The following NRG1 variants were observed in gnomAD, a reference collection of about 807,000 sequenced individuals.
NRG1 encodes the protein pro-neuregulin-1, membrane-bound isoform.
In NRG1, 18 loss-of-function variants were observed where a neutral mutation model predicts 63.8. The observed-to-expected ratio is 0.28, with a 90% CI of 0.19 to 0.42. The LOEUF (loss-of-function observed/expected upper bound fraction) is 0.42. NRG1 is among the 10% of genes least tolerant of loss of function. The probability of loss-of-function intolerance (pLI) is 1.00; values close to 1 mark genes in which losing one functional copy is unlikely to be tolerated. For missense variants in NRG1, 762 were observed against 814.7 expected (o/e 0.94, Z 0.79); for synonymous variants, 302 against 301.3 (o/e 1.00, Z -0.02).
chr8:31,771,228 T>C (rs1256190599), intron 1 of NRG1, among the ~76,000 whole-genome samples: 1 of 152,224 alleles, frequency 6.6e-6, no homozygotes, highest in African/African-American at 2.4e-5. Context: ...GAATGTTATA[T>C]GAATAGAATA....
intron 1 of NRG1, among the ~76,000 whole-genome samples, chr8:32,101,966 G>A (rs1830635460): frequency 1.3e-5 from 2 of 152,146 alleles, no homozygotes; most frequent in South Asian, 4.1e-4. Flanking sequence ...TATGATGTTT[G>A]TAGGGCTTTT....
At chr8:31,997,991 A>C (rs75165582) in intron 1 of NRG1, among the ~76,000 whole-genome samples, 1,723 of 152,124 alleles carry the variant, frequency 0.011, 36 homozygotes, top group African/African-American at 0.039. Flanking sequence ...CTTAATCACC[A>C]TCCTCTATTG....
intron 1 of NRG1, among the ~76,000 whole-genome samples, chr8:32,166,998 G>A (rs1208109809): frequency 5.3e-5 from 8 of 152,150 alleles, no homozygotes; most frequent in African/African-American, 1.9e-4. Context: ...TTCTAGTTAG[G>A]TCCATGTGCA....
intron 1 of NRG1, among the ~76,000 whole-genome samples, chr8:32,300,604 C>T (rs1409993235): frequency 6.6e-6 from 1 of 152,156 alleles, no homozygotes; most frequent in African/African-American, 2.4e-5. Flanking sequence ...TTGGTGGCTG[C>T]AGTTGATTAT....
At chr8:32,646,859 G>C (rs1563843035) in intron 5 of NRG1, 38 of 984,838 alleles carry the variant, frequency 3.9e-5, no homozygotes, top group Non-Finnish European at 4.6e-5. Flanking sequence ...CCAGCCTGCA[G>C]CTCTAGAGTG....
At chr8:32,772,673 C>T (rs1831890802), downstream of NRG1, among the ~76,000 whole-genome samples, 1 of 152,136 alleles carries the variant, frequency 6.6e-6, no homozygotes, top group Admixed American at 6.5e-5. Flanking sequence ...CAGAGGACTT[C>T]TAGTTTCTCC....
intron 5 of NRG1, among the ~76,000 whole-genome samples, chr8:32,690,869 C>T (rs539319861): frequency 1.3e-5 from 2 of 151,578 alleles, no homozygotes; most frequent in African/African-American, 4.8e-5. Context: ...GTAGGAGTAT[C>T]TGGCTGCTAT....
chr8:32,362,398 T>A (rs919239405), intron 1 of NRG1, among the ~76,000 whole-genome samples: 1 of 152,224 alleles, frequency 6.6e-6, no homozygotes, highest in Non-Finnish European at 1.5e-5. Context: ...ACACGGAATA[T>A]GCGATGTTGT....
intron 1 of NRG1, among the ~76,000 whole-genome samples, chr8:32,577,457 T>C (rs890909754): frequency 6.6e-6 from 1 of 152,200 alleles, no homozygotes; most frequent in African/African-American, 2.4e-5. Context: ...TGTAACTCCA[T>C]GCTTGCATTT....
chr8:32,212,001 T>A lies in NRG1; in HGVS notation c.38-383827T>A, dbSNP rs562169444. On this transcript the variant is annotated intron_variant, in intron 1 of 10. Transcript: ENST00000519301. ...ATATTTAAGTTATTTTTTTCCCAAA[T>A]AGATAAACATTTGCCTTACAGGATT... Among the ~76,000 whole-genome samples the A allele has an allele frequency of 3.9e-5, 6 of 152,310 alleles. No individual in the cohort carries two copies. In the South Asian group the frequency reaches 1.2e-3, roughly 32 times the overall value.
intron 2 of NRG1, among the ~76,000 whole-genome samples, chr8:32,600,645 T>C (rs1291405865): frequency 6.6e-6 from 1 of 152,160 alleles, no homozygotes; most frequent in Non-Finnish European, 1.5e-5. Flanking sequence ...CACTGTACTG[T>C]TTTTTCTTAT....
intron 5 of NRG1, among the ~76,000 whole-genome samples, chr8:32,669,290 G>C (rs1199619136): frequency 6.6e-6 from 1 of 152,158 alleles, no homozygotes; most frequent in African/African-American, 2.4e-5. Flanking sequence ...TATTGATTTG[G>C]ACTCACTCTT....
chr8:32,660,048 T>C (rs1315927044), intron 5 of NRG1, among the ~76,000 whole-genome samples: 5 of 152,200 alleles, frequency 3.3e-5, no homozygotes, highest in South Asian at 4.1e-4. Context: ...CCCAGAGTTA[T>C]AGCTAACTCA....
intron 1 of NRG1, among the ~76,000 whole-genome samples, chr8:31,908,225 ACT>A (rs1395034438): frequency 6.6e-6 from 1 of 152,212 alleles, no homozygotes; most frequent in African/African-American, 2.4e-5. Context: ...TTAAAATGTG[ACT>A]CTGTGAATTC....
At chr8:32,478,092 C>A (rs1824755587) in intron 1 of NRG1, among the ~76,000 whole-genome samples, 1 of 152,246 alleles carries the variant, frequency 6.6e-6, no homozygotes, top group African/African-American at 2.4e-5. Context: ...GTGAGTGTTG[C>A]CACTTTGACC....
At chr8:32,269,910 C>T (rs1419808459) in intron 1 of NRG1, among the ~76,000 whole-genome samples, 1 of 152,146 alleles carries the variant, frequency 6.6e-6, no homozygotes, top group Non-Finnish European at 1.5e-5. Flanking sequence ...ACAACCATTG[C>T]TTCAGTAACA....
intron 1 of NRG1, among the ~76,000 whole-genome samples, chr8:32,247,634 G>C (rs1848711464): frequency 6.6e-6 from 1 of 152,054 alleles, no homozygotes; most frequent in Non-Finnish European, 1.5e-5. Flanking sequence ...ATACGGTCGT[G>C]AGTTACTGAT....
chr8:31,778,095 C>T (rs1417875405), intron 1 of NRG1, among the ~76,000 whole-genome samples: 2 of 152,180 alleles, frequency 1.3e-5, no homozygotes, highest in Non-Finnish European at 2.9e-5. Context: ...TCAGAACCAT[C>T]CACATTGGAA....
At chr8:32,627,587 C>T (rs1487211530) in intron 5 of NRG1, among the ~76,000 whole-genome samples, 5 of 152,116 alleles carry the variant, frequency 3.3e-5, no homozygotes, top group African/African-American at 1.2e-4. Flanking sequence ...GGATTATAGA[C>T]GTGAGCCACC....
Sources: allele counts gnomAD v4.1 joint callset (sites outside exome capture counted in the v4.1 genomes callset), GRCh38; gene constraint gnomAD v4.1.1; transcripts MANE v1.5; gene names NCBI Gene and HGNC (gene_info 2026-07-23, HGNC 2026-07-21).